The following PARD3B variants were observed in gnomAD, a reference collection of about 807,000 sequenced individuals.
PARD3B encodes the protein par-3 family cell polarity regulator beta, also known as partitioning defective 3 homolog B.
In PARD3B, 103 loss-of-function variants were observed where a neutral mutation model predicts 130.2. The observed-to-expected ratio is 0.79, with a 90% CI of 0.67 to 0.93. The LOEUF is 0.93. PARD3B is among the 40% of genes least tolerant of loss of function. PARD3B has a pLI of 0.00. For synonymous variants in PARD3B, 583 were observed against 553.2 expected, an observed-to-expected ratio of 1.05 and a Z score of -0.76; for missense variants, 1,609 against 1,499.2, an observed-to-expected ratio of 1.07 and a Z score of -1.21.
rs6740029 is a variant in PARD3B at position 205,354,956 on chromosome 2, C to T, written c.2631-46057C>T. Among the ~76,000 whole-genome samples the T allele has an allele frequency of 5.6e-3, 851 of 152,122 alleles. 8 individuals are homozygous for T. The highest frequency in any genetic ancestry group is 0.019 in the African/African-American group (809 of 41,492). ...TTAAGAAATGATAGATTTTTGTGAT[C>T]GGGGTTAAAAAGAGAGGAGCCATCT... On this transcript the variant is annotated intron_variant, in intron 18 of 22. Transcript: ENST00000406610.
intron 3 of PARD3B, among the ~76,000 whole-genome samples, chr2:204,987,568 A>G (rs1224757464): frequency 6.6e-6 from 1 of 152,164 alleles, no homozygotes; most frequent in Non-Finnish European, 1.5e-5. Context: ...CCACTGTTGT[A>G]TCTGTAGTCC....
intron 2 of PARD3B, among the ~76,000 whole-genome samples, chr2:204,764,886 C>T (rs1038301720): frequency 2.0e-5 from 3 of 151,966 alleles, no homozygotes; most frequent in Non-Finnish European, 4.4e-5. Flanking sequence ...CTCTTAGATT[C>T]ATTTGAGTTT....
At chr2:204,996,531 T>C (rs1330638844) in intron 3 of PARD3B, among the ~76,000 whole-genome samples, 1 of 151,652 alleles carries the variant, frequency 6.6e-6, no homozygotes, top group African/African-American at 2.4e-5. Flanking sequence ...CTGCTGTCTT[T>C]TTGTTTGTCT....
chr2:205,278,089 A>G (rs1168819561), intron 16 of PARD3B, among the ~76,000 whole-genome samples: 3 of 152,174 alleles, frequency 2.0e-5, no homozygotes, highest in Non-Finnish European at 4.4e-5. Context: ...AAAGGTAGCG[A>G]GTGCTGAGAA....
At chr2:205,501,164 C>G (rs963671370) in intron 21 of PARD3B, among the ~76,000 whole-genome samples, 1 of 152,166 alleles carries the variant, frequency 6.6e-6, no homozygotes, top group Non-Finnish European at 1.5e-5. Flanking sequence ...GGATCCACCA[C>G]TGTTGGGCAG....
intron 2 of PARD3B, among the ~76,000 whole-genome samples, chr2:204,772,246 CAT>C (rs767159866): frequency 1.1e-4 from 16 of 152,028 alleles, no homozygotes; most frequent in Non-Finnish European, 2.4e-4. Flanking sequence ...GAAGACGTAA[CAT>C]ATGTTATTTC....
chr2:204,571,074 TGTTA>T (rs1179822706), intron 1 of PARD3B, among the ~76,000 whole-genome samples: 3 of 152,212 alleles, frequency 2.0e-5, no homozygotes, highest in African/African-American at 7.2e-5. Context: ...ATCCGGCTGC[TGTTA>T]GTTCTGATTT....
rs963872809 is a variant in PARD3B, at chr2:205,276,259, T to C, written c.2186-24271T>C. Among the ~76,000 whole-genome samples, 1 of 152,176 alleles carries C rather than the reference T, an allele frequency of 6.6e-6. No homozygotes were observed. The highest frequency in any genetic ancestry group is 1.5e-5 in the Non-Finnish European group (1 of 68,032). On this transcript the variant is annotated intron_variant, in intron 16 of 22. Transcript: ENST00000406610. The surrounding 1 kb of genome is among the most constrained non-coding windows in gnomAD (Gnocchi z 5.0). Reference sequence around the variant, plus strand: ...ATCCCTCTGCCATTCCTTCCTTTTGTAGTGAGCCAGCAGGGCGCCTGGTGC... The same window carrying C: ...ATCCCTCTGCCATTCCTTCCTTTTGCAGTGAGCCAGCAGGGCGCCTGGTGC...
At position 205,525,700 on chromosome 2, in the gene PARD3B, G is replaced by A. The variant is rs538654670; in HGVS notation, c.3180+25669G>A. On this transcript the variant is annotated intron_variant, in intron 21 of 22. Transcript: ENST00000406610. The surrounding 1 kb of genome is among the most constrained non-coding windows in gnomAD (Gnocchi z 4.2). ...AGTACACATGAGACCCAGCATTATC[G>A]AAGGCTTATCCTTTCTCACACTGAA... Among the ~76,000 whole-genome samples the A allele has an allele frequency of 4.6e-4, 70 of 152,170 alleles. No homozygotes were observed. Among genetic ancestry groups the A allele is most frequent in the African/African-American group, 1.6e-3 (65 of 41,524 alleles).
intron 4 of PARD3B, among the ~76,000 whole-genome samples, chr2:205,066,991 A>T (rs1700422941): frequency 6.7e-6 from 1 of 150,352 alleles, no homozygotes; most frequent in Non-Finnish European, 1.5e-5. Context: ...AAACTGGGGG[A>T]TCTAATGGAA....
intron 15 of PARD3B, among the ~76,000 whole-genome samples, chr2:205,217,892 A>ATTT (rs1409391243): frequency 2.1e-3 from 60 of 28,056 alleles, no homozygotes; most frequent in African/African-American, 6.6e-3. Context: ...ATATATATAT[A>ATTT]TATTTTTTTT....
intron 16 of PARD3B, among the ~76,000 whole-genome samples, chr2:205,282,625 A>T (rs890981166): frequency 1.3e-5 from 2 of 151,708 alleles, no homozygotes; most frequent in South Asian, 4.2e-4. Flanking sequence ...AATTTGAGAA[A>T]GTATAAATCA....
At chr2:204,759,915 A>C (rs2040829232) in intron 2 of PARD3B, among the ~76,000 whole-genome samples, 1 of 152,096 alleles carries the variant, frequency 6.6e-6, no homozygotes, top group Non-Finnish European at 1.5e-5. Context: ...TATAGACATT[A>C]GCAGAGTCTG....
At chr2:205,186,792 A>G (rs11892047) in intron 14 of PARD3B, among the ~76,000 whole-genome samples, 22,870 of 152,156 alleles carry the variant, frequency 0.15, 1,810 homozygotes, top group African/African-American at 0.19. Flanking sequence ...TTCTAGATCA[A>G]TGTCTCTAGG....
chr2:205,497,955 T>A (rs1003690560), intron 20 of PARD3B, among the ~76,000 whole-genome samples: 1 of 151,244 alleles, frequency 6.6e-6, no homozygotes, highest in African/African-American at 2.4e-5. Flanking sequence ...GGCAGGCAGA[T>A]CACTTGAGGT....
chr2:204,567,395 A>G (rs1388686007), intron 1 of PARD3B, among the ~76,000 whole-genome samples: 3 of 152,112 alleles, frequency 2.0e-5, no homozygotes, highest in Non-Finnish European at 4.4e-5. Flanking sequence ...CCAGGCTCTG[A>G]CAACCACCAT....
intron 2 of PARD3B, among the ~76,000 whole-genome samples, chr2:204,944,569 C>G (rs182578597): frequency 6.6e-6 from 1 of 152,160 alleles, no homozygotes; most frequent in Non-Finnish European, 1.5e-5. Context: ...CAAGGCAAGG[C>G]GCCTGGCTAA....
intron 2 of PARD3B, among the ~76,000 whole-genome samples, chr2:204,826,561 A>G (rs1282372617): frequency 2.0e-5 from 3 of 152,220 alleles, no homozygotes; most frequent in African/African-American, 7.2e-5. Context: ...TCTAACCAAC[A>G]TGTTAAAAAG....
At chr2:205,058,105 CT>C (rs1699845929) in intron 4 of PARD3B, among the ~76,000 whole-genome samples, 1 of 151,742 alleles carries the variant, frequency 6.6e-6, no homozygotes, top group Non-Finnish European at 1.5e-5. Flanking sequence ...TTCTGTTATA[CT>C]TTTTCTCCCT....
Sources: allele counts gnomAD v4.1 joint callset (sites outside exome capture counted in the v4.1 genomes callset), GRCh38; gene constraint gnomAD v4.1.1; non-coding constraint Gnocchi (gnomAD v3.1); transcripts MANE v1.5; gene names NCBI Gene and HGNC (gene_info 2026-07-23, HGNC 2026-07-21).